Variants in SEMA5B observed in about 807,000 individuals in gnomAD.
SEMA5B encodes semaphorin-5B.
In SEMA5B, 66 loss-of-function variants were observed where a neutral mutation model predicts 135.0. The observed-to-expected ratio is 0.49, with a 90% CI of 0.40 to 0.60. The LOEUF (loss-of-function observed/expected upper bound fraction) is 0.60. Ranked by LOEUF, SEMA5B falls within the 20% of genes least tolerant of loss-of-function variation. The pLI is 0.00. For synonymous variants in SEMA5B, 690 were observed against 639.5 expected, an observed-to-expected ratio of 1.08 and a Z score of -1.19; for missense variants, 1,501 against 1,566.3, an observed-to-expected ratio of 0.96 and a Z score of 0.70.
At chr3:122,936,625 G>A (rs767169034) in intron 5 of SEMA5B, among the ~76,000 whole-genome samples, 4 of 152,194 alleles carry the variant, frequency 2.6e-5, no homozygotes, top group African/African-American at 4.8e-5. Context: ...GGTCGCTCAC[G>A]AGCTCCTAAT....
chr3:123,009,452 C>G (rs905904918), intron 1 of SEMA5B, among the ~76,000 whole-genome samples: 4 of 152,174 alleles, frequency 2.6e-5, no homozygotes, highest in Non-Finnish European at 5.9e-5. Flanking sequence ...TCCCCCAAGC[C>G]TTGCACATCG....
chr3:122,996,058 C>G (rs1942014754), intron 1 of SEMA5B, among the ~76,000 whole-genome samples: 1 of 152,202 alleles, frequency 6.6e-6, no homozygotes, highest in Non-Finnish European at 1.5e-5. Flanking sequence ...GAGGGCCTTT[C>G]CCCTCTCTGA....
intron 1 of SEMA5B, among the ~76,000 whole-genome samples, chr3:122,988,620 G>A (rs754846869): frequency 1.3e-5 from 2 of 152,224 alleles, no homozygotes; most frequent in African/African-American, 4.8e-5. Context: ...AGATTAACAA[G>A]CCTCTCTAGG....
chr3:122,941,925 C>A (rs1338157388), intron 4 of SEMA5B, among the ~76,000 whole-genome samples: 1 of 152,128 alleles, frequency 6.6e-6, no homozygotes, highest in Non-Finnish European at 1.5e-5. Flanking sequence ...GAGAGTAAAA[C>A]AATTACTCTC....
rs529075769 is a variant in SEMA5B, at chr3:122,946,139, T to A, written c.328+2367A>T. Among the ~76,000 whole-genome samples the A allele has an allele frequency of 1.6e-4, 24 of 152,316 alleles. 1 individual carries two copies. The South Asian group carries it at 4.6e-3, about 29-fold the overall frequency. ...GACACGCCTGTGATTTTAATTATAG[T>A]CAATTCAATTACCCACCTTGTGGAT... is the stretch of plus-strand genomic sequence containing the variant. On this transcript the variant is annotated intron_variant, in intron 3 of 22. Coordinates refer to ENST00000357599, the MANE Select transcript of SEMA5B (RefSeq NM_001031702.4).
intron 2 of SEMA5B, among the ~76,000 whole-genome samples, chr3:122,955,477 T>A (rs1940251137): frequency 6.6e-6 from 1 of 152,330 alleles, no homozygotes; most frequent in East Asian, 1.9e-4. Context: ...ATAATTCCTA[T>A]CCCATACAGT....
chr3:123,028,597 G>A (rs1942862803), upstream of SEMA5B: 1 of 152,140 alleles, frequency 6.6e-6, no homozygotes, highest in African/African-American at 2.4e-5. Flanking sequence ...AAGGAGCGAG[G>A]CCGAATTGTT....
Position 122,943,431 on chromosome 3 carries a change from G to T in SEMA5B, c.428+5C>A. ...TCCCACCCCGACCCTTCTGCCCCTT[G>T]TTACCTGGCTCCCACGATGAGCTGG... On this transcript the variant is annotated splice_donor_5th_base_variant and intron_variant, in intron 4 of 22. Coordinates refer to ENST00000357599, the MANE Select transcript of SEMA5B (RefSeq NM_001031702.4). 2 of 1,592,534 alleles carry T rather than the reference G, an allele frequency of 1.3e-6. No individual in the cohort carries two copies. Among genetic ancestry groups the T allele is most frequent in the Non-Finnish European group, 1.7e-6 (2 of 1,168,458 alleles).
intron 1 of SEMA5B, chr3:122,976,276 TAGATC>T: frequency 1.0e-6 from 1 of 987,422 alleles, no homozygotes; most frequent in Non-Finnish European, 1.5e-6. Context: ...CCAGACCTAC[TAGATC>T]AGAAAGTCTG....
intron 1 of SEMA5B, among the ~76,000 whole-genome samples, chr3:122,999,851 T>C (rs1942127429): frequency 6.6e-6 from 1 of 151,348 alleles, no homozygotes; most frequent in Admixed American, 6.6e-5. Flanking sequence ...ACAACAAACA[T>C]CCACAACAGC....
intron 12 of SEMA5B, among the ~76,000 whole-genome samples, chr3:122,919,579 G>T (rs1192110469): frequency 2.6e-5 from 4 of 152,180 alleles, no homozygotes. Context: ...AGCATGAAAT[G>T]CCTATCCTAG....
intron 8 of SEMA5B, 25 bp downstream of exon 8, chr3:122,927,765 A>C: frequency 7.2e-7 from 1 of 1,390,882 alleles, no homozygotes; most frequent in Non-Finnish European, 9.4e-7. Context: ...GGGAGTCCCC[A>C]CCCCTGGCAC....
At chr3:122,910,368 G>T in intron 22 of SEMA5B, 67 bp from the exon 23 acceptor site, 1 of 1,550,558 alleles carries the variant, frequency 6.4e-7, no homozygotes, top group Non-Finnish European at 8.8e-7. Flanking sequence ...ACAGGCCAGA[G>T]CAAGGAGTCC....
chr3:122,921,291 C>T (rs911285446), intron 12 of SEMA5B, among the ~76,000 whole-genome samples: 1 of 152,182 alleles, frequency 6.6e-6, no homozygotes, highest in African/African-American at 2.4e-5. Flanking sequence ...TTGGAATAGG[C>T]TTTGGTTTCC....
intron 1 of SEMA5B, among the ~76,000 whole-genome samples, chr3:122,981,488 C>T (rs1941520161): frequency 6.6e-6 from 1 of 152,256 alleles, no homozygotes; most frequent in South Asian, 2.1e-4. Context: ...CACTACATCC[C>T]TGAGAGCATG....
intron 12 of SEMA5B, among the ~76,000 whole-genome samples, chr3:122,918,473 C>A (rs933863495): frequency 3.9e-5 from 6 of 152,204 alleles, no homozygotes; most frequent in African/African-American, 1.4e-4. Context: ...CTGCTGTGTA[C>A]CCATGGTTGA....
At chr3:122,940,230 C>T (rs1939493965) in intron 4 of SEMA5B, among the ~76,000 whole-genome samples, 1 of 152,208 alleles carries the variant, frequency 6.6e-6, no homozygotes, top group East Asian at 1.9e-4. Flanking sequence ...TATTGAGTAT[C>T]ATAAGTGTCA....
chr3:123,014,196 T>C (rs989960668), intron 1 of SEMA5B, among the ~76,000 whole-genome samples: 7 of 152,182 alleles, frequency 4.6e-5, no homozygotes, highest in African/African-American at 1.4e-4. Context: ...CAGTCCTCAC[T>C]ACCAGAAAGG....
intron 2 of SEMA5B, chr3:122,958,218 G>T (rs377680405): frequency 2.0e-5 from 3 of 152,380 alleles, no homozygotes; most frequent in East Asian, 1.9e-4. Flanking sequence ...CCCACCTCCA[G>T]CTCAGTCCAT....
Sources: allele counts gnomAD v4.1 joint callset (sites outside exome capture counted in the v4.1 genomes callset), GRCh38; gene constraint gnomAD v4.1.1; transcripts MANE v1.5; gene names NCBI Gene and HGNC (gene_info 2026-07-23, HGNC 2026-07-21).